Variants in INPP5F observed in about 807,000 individuals in gnomAD.
INPP5F encodes inositol polyphosphate-5-phosphatase F.
INPP5F carries 97 observed loss-of-function variants against 137.2 expected under a neutral mutation model. The ratio of observed to expected loss-of-function variants is 0.71; its 90% CI spans 0.60 to 0.84. The LOEUF is 0.84. Ranked by LOEUF, INPP5F falls within the 40% of genes least tolerant of loss-of-function variation. The pLI is 0.00. For synonymous variants in INPP5F, 504 were observed against 476.9 expected (o/e 1.06, Z -0.74); for missense variants, 1,271 against 1,371.9 (o/e 0.93, Z 1.16).
chr10:119,794,938 C>T lies in INPP5F; in HGVS notation c.670-1777C>T, dbSNP rs1245315587. 3.9e-4 allele frequency among the ~76,000 whole-genome samples: 52 copies of T among 133,118 alleles called. 2 individuals are homozygous for T. The highest frequency in any genetic ancestry group is 2.8e-3 in the Admixed American group (39 of 14,102). The allele number at this position is 133,118 out of a possible 152,430, so 87.3% of individuals were successfully genotyped here. ...CTCCCTCCCGGATGGGGCGGCTGGC[C>T]GGGCAGAGGGGCTCCTCACTTCCCA... On this transcript the variant is annotated intron_variant, in intron 6 of 19. Coordinates refer to ENST00000650623, the MANE Select transcript of INPP5F (RefSeq NM_014937.4).
intron 2 of INPP5F, among the ~76,000 whole-genome samples, chr10:119,779,267 T>TG (rs1338084925): frequency 1.3e-5 from 2 of 152,126 alleles, no homozygotes; most frequent in East Asian, 1.9e-4. Context: ...GAATGGAACT[T>TG]GCGGAACCAG....
At position 119,791,650 on chromosome 10, in the gene INPP5F, G is replaced by A. The variant is rs1850149598; in HGVS notation, c.444+5G>A. 3 of 1,594,482 alleles carry A rather than the reference G, an allele frequency of 1.9e-6. No individual in the cohort carries two copies. Among genetic ancestry groups the A allele is most frequent in the Non-Finnish European group, 1.7e-6 (2 of 1,165,542 alleles). On this transcript the variant is annotated splice_donor_5th_base_variant and intron_variant, in intron 4 of 19. Coordinates refer to ENST00000650623, the MANE Select transcript of INPP5F (RefSeq NM_014937.4). ...TCTGCTCCTAATAAAAAGAAAGTAA[G>A]AGTTTAATTGATATAGGCTTTGAAT...
rs2134248995 is a variant in INPP5F, at chr10:119,807,967, A to G, written c.1476A>G (p.Pro492=). 7.4e-6 allele frequency: 12 copies of G among 1,613,962 alleles called. No individual in the cohort carries two copies. The highest frequency in any genetic ancestry group is 1.0e-5 in the Non-Finnish European group (12 of 1,179,954). Residue 492 remains proline (P), a synonymous_variant, in exon 13 of 20, where the codon CCA becomes CCG. Coordinates refer to ENST00000650623, the MANE Select transcript of INPP5F (RefSeq NM_014937.4). The part of the protein sequence containing the change: ...KKLGVMPPEQ[P]LPVKCNRIYQ... ...TAGGTGTGATGCCCCCGGAACAGCC[A>G]TTACCTGTGAAATGTAATCGCATCT...
At chr10:119,817,242 A>G (rs1851313177) in intron 15 of INPP5F, among the ~76,000 whole-genome samples, 2 of 152,152 alleles carry the variant, frequency 1.3e-5, no homozygotes, top group African/African-American at 2.4e-5. Context: ...CTTGATGGGC[A>G]TTTGGGTTAT....
intron 6 of INPP5F, among the ~76,000 whole-genome samples, chr10:119,793,105 A>T (rs1334138044): frequency 1.3e-5 from 2 of 152,234 alleles, no homozygotes; most frequent in African/African-American, 4.8e-5. Context: ...AAGCAGGGGC[A>T]TCTGTAATGA....
chr10:119,828,440 CA>C lies in INPP5F; in HGVS notation c.*661del, dbSNP rs898985116. On this transcript the variant is annotated 3_prime_UTR_variant, in exon 20 of 20. Coordinates refer to ENST00000650623, the MANE Select transcript of INPP5F (RefSeq NM_014937.4). ...TTGTCACACAGTAAACCTGATACAT[CA>C]GAGGTGAATACCAGCACCTATTAGG... 1 of 152,156 alleles carries C rather than the reference CA, an allele frequency of 6.6e-6. No homozygotes were observed. The highest frequency in any genetic ancestry group is 2.4e-5 in the African/African-American group (1 of 41,434). 9.4% of individuals were successfully genotyped at this position (152,156 alleles called of 1,614,324 possible).
At chr10:119,731,030 G>A (rs184487738) in intron 1 of INPP5F, among the ~76,000 whole-genome samples, 3,060 of 151,694 alleles carry the variant, frequency 0.02, 51 homozygotes, top group Middle Eastern at 0.048. Context: ...CTCGTGATCC[G>A]CCCGCCTCTG....
At position 119,797,468 on chromosome 10, in the gene INPP5F, C is replaced by A; in HGVS notation, c.876C>A (p.Arg292=). The change falls in exon 8 of 20, where the codon CGC becomes CGA. Residue 292 remains arginine, a synonymous_variant. Coordinates refer to ENST00000650623, the MANE Select transcript of INPP5F (RefSeq NM_014937.4). Reference sequence around the variant, plus strand: ...GTTTTAATTTTCTTTCAGGAATGCGCTATAAACGAAGAGGAGTGGATAAAA... The same window carrying A: ...GTTTTAATTTTCTTTCAGGAATGCGATATAAACGAAGAGGAGTGGATAAAA... ...SRRSRHRAGM[R]YKRRGVDKNG... 6.2e-7 allele frequency: 1 copy of A among 1,606,236 alleles called. No individual in the cohort carries two copies. The highest frequency in any genetic ancestry group is 8.5e-7 in the Non-Finnish European group (1 of 1,175,680).
intron 19 of INPP5F, among the ~76,000 whole-genome samples, chr10:119,824,994 TGA>T (rs1851705003): frequency 6.6e-6 from 1 of 152,224 alleles, no homozygotes; most frequent in African/African-American, 2.4e-5. Flanking sequence ...ACATGGACTC[TGA>T]GACTCCTGGT....
intron 1 of INPP5F, among the ~76,000 whole-genome samples, chr10:119,731,831 C>A (rs1388027674): frequency 6.6e-6 from 1 of 152,018 alleles, no homozygotes; most frequent in African/African-American, 2.4e-5. Context: ...TAATGGGTTA[C>A]TAGTTTTATA....
chr10:119,813,437 A>G (rs937072588), intron 15 of INPP5F, among the ~76,000 whole-genome samples: 1 of 152,112 alleles, frequency 6.6e-6, no homozygotes, highest in African/African-American at 2.4e-5. Flanking sequence ...ATTTGAGTCC[A>G]GGAGTTTGAG....
At chr10:119,738,773 C>T (rs1848291942) in intron 1 of INPP5F, among the ~76,000 whole-genome samples, 1 of 152,120 alleles carries the variant, frequency 6.6e-6, no homozygotes, top group South Asian at 2.1e-4. Flanking sequence ...GTGTCAGTTA[C>T]AGTACCTGCT....
chr10:119,735,440 C>T lies in INPP5F; in HGVS notation c.97+9081C>T, dbSNP rs551281031. 8.5e-5 allele frequency among the ~76,000 whole-genome samples: 13 copies of T among 152,268 alleles called. No homozygotes were observed. The East Asian group carries it at 9.6e-4, about 11-fold the overall frequency. Reference sequence around the variant, plus strand: ...TGAATTTCAAATTTTACAATTTCTGCAATGTCAATATGTACGATTTGAAGC... The same window carrying T: ...TGAATTTCAAATTTTACAATTTCTGTAATGTCAATATGTACGATTTGAAGC... On this transcript the variant is annotated intron_variant, in intron 1 of 19. Transcript: ENST00000650623.
intron 2 of INPP5F, among the ~76,000 whole-genome samples, chr10:119,764,708 A>C (rs1174271024): frequency 1.3e-5 from 2 of 151,314 alleles, no homozygotes; most frequent in Non-Finnish European, 2.9e-5. Flanking sequence ...CAGCCTCCCA[A>C]GTAGCTGGGA....
intron 10 of INPP5F, 34 bp from the exon 11 acceptor site, chr10:119,805,349 TA>T: frequency 2.0e-6 from 3 of 1,530,346 alleles, no homozygotes; most frequent in Non-Finnish European, 2.7e-6. Context: ...ATGATTAAAT[TA>T]AAGATTTTTT....
At chr10:119,784,730 G>A (rs972690730) in intron 3 of INPP5F, among the ~76,000 whole-genome samples, 2 of 152,126 alleles carry the variant, frequency 1.3e-5, no homozygotes, top group African/African-American at 4.8e-5. Flanking sequence ...CAGTTCACCC[G>A]TTTAAAGTAT....
At chr10:119,806,074 T>G (rs995250131) in intron 11 of INPP5F, among the ~76,000 whole-genome samples, 1 of 152,128 alleles carries the variant, frequency 6.6e-6, no homozygotes, top group Non-Finnish European at 1.5e-5. Context: ...TAGGAAAACA[T>G]AACTTGGGAT....
At chr10:119,762,160 A>G (rs547680483) in intron 2 of INPP5F, among the ~76,000 whole-genome samples, 3 of 152,324 alleles carry the variant, frequency 2.0e-5, no homozygotes, top group Admixed American at 1.3e-4. Flanking sequence ...TGTGTTGTTC[A>G]AGGGTCAACT....
intron 2 of INPP5F, among the ~76,000 whole-genome samples, chr10:119,751,648 C>T (rs1251443928): frequency 6.6e-6 from 1 of 152,182 alleles, no homozygotes; most frequent in Middle Eastern, 3.2e-3. Flanking sequence ...CAGGCCCTCA[C>T]TTGGAATGAC....
Sources: gnomAD v4.1 joint callset for allele counts (sites outside exome capture counted in the v4.1 genomes callset) on GRCh38, gnomAD v4.1.1 for gene constraint, MANE v1.5 for transcripts, NCBI Gene and HGNC (gene_info 2026-07-23, HGNC 2026-07-21) for gene names.